Variants in ATP6V0D2 observed in about 807,000 individuals in gnomAD.
The protein encoded by ATP6V0D2 is V-type proton ATPase subunit d 2.
In ATP6V0D2, 40 loss-of-function variants were observed where a neutral mutation model predicts 40.0. That is an observed-to-expected ratio of 1.00 (90% confidence interval 0.78 to 1.30). The LOEUF (loss-of-function observed/expected upper bound fraction) is 1.30, where lower values mean the gene tolerates loss of function less well. ATP6V0D2 is among the 50% of genes most tolerant of loss of function. ATP6V0D2 has a pLI of 0.00. For synonymous variants in ATP6V0D2, 179 were observed against 156.3 expected (o/e 1.15, Z -1.08); for missense variants, 470 against 423.1 (o/e 1.11, Z -0.97).
chr8:86,148,256 C>G (rs1819098262), intron 5 of ATP6V0D2, among the ~76,000 whole-genome samples: 1 of 152,154 alleles, frequency 6.6e-6, no homozygotes, highest in South Asian at 2.1e-4. Context: ...CCTAGAAGGT[C>G]TAAAATTACT....
At chr8:86,125,786 A>G (rs1461951194) in intron 2 of ATP6V0D2, among the ~76,000 whole-genome samples, 1 of 151,980 alleles carries the variant, frequency 6.6e-6, no homozygotes, top group Non-Finnish European at 1.5e-5. Context: ...AGTTGGGCTT[A>G]TTGTTTGTTT....
intron 7 of ATP6V0D2, 114 bp downstream of exon 7, chr8:86,151,654 T>C (rs762219134): frequency 4.9e-5 from 37 of 750,216 alleles, no homozygotes; most frequent in Admixed American, 3.5e-4. Flanking sequence ...ATTAGGCACA[T>C]TCATAGCTTG....
chr8:86,132,476 C>G (rs988900263), intron 2 of ATP6V0D2, among the ~76,000 whole-genome samples: 1 of 152,146 alleles, frequency 6.6e-6, no homozygotes, highest in Non-Finnish European at 1.5e-5. Context: ...TCCTCTCCCC[C>G]TCCCTACCAC....
intron 3 of ATP6V0D2, among the ~76,000 whole-genome samples, chr8:86,139,928 A>T (rs765352539): frequency 6.6e-6 from 1 of 152,202 alleles, no homozygotes. Context: ...TCAACCTTCA[A>T]ACTTTTCACT....
chr8:86,135,410 G>A (rs544994069), intron 2 of ATP6V0D2, among the ~76,000 whole-genome samples: 10 of 152,266 alleles, frequency 6.6e-5, no homozygotes, highest in African/African-American at 2.2e-4. Context: ...CATCTGGCTT[G>A]AGCTCTTTTA....
At chr8:86,126,911 A>T (rs983351143) in intron 2 of ATP6V0D2, among the ~76,000 whole-genome samples, 1 of 152,192 alleles carries the variant, frequency 6.6e-6, no homozygotes, top group African/African-American at 2.4e-5. Flanking sequence ...GGTTTCTTAA[A>T]ATTCCAGAGC....
At chr8:86,137,049 A>G (rs1349214733) in intron 2 of ATP6V0D2, among the ~76,000 whole-genome samples, 2 of 73,024 alleles carry the variant, frequency 2.7e-5, no homozygotes, top group Non-Finnish European at 5.7e-5. Context: ...TGGCCCCTGT[A>G]TCTCCATATA....
At position 86,099,087 on chromosome 8, in the gene ATP6V0D2, G is replaced by C. The variant is rs1818358530; in HGVS notation, c.109G>C (p.Val37Leu). The change falls in exon 1 of 8, where the codon GTC (valine) becomes CTC (leucine). Residue 37 changes from valine to leucine, a missense_variant. Val to Leu is a conservative substitution (Grantham distance 32). Transcript: ENST00000285393. ...LLTQQDYINL[V>L]QCETLEDLKI... ...GACCCAGCAAGACTATATCAACCTG[G>C]TCCAGTGTGAGACCCTAGAAGGTAA... is the stretch of plus-strand genomic sequence containing the variant. The C allele has an allele frequency of 1.2e-6, 2 of 1,612,546 alleles. No individual in the cohort carries two copies. Among genetic ancestry groups the C allele is most frequent in the Non-Finnish European group, 1.7e-6 (2 of 1,179,662 alleles).
intron 5 of ATP6V0D2, 138 bp downstream of exon 5, chr8:86,143,092 A>G (rs1818999812): frequency 7.6e-6 from 4 of 525,242 alleles, no homozygotes; most frequent in Non-Finnish European, 3.3e-6. Flanking sequence ...TTTATTATAC[A>G]TATGATTTGA....
chr8:86,123,283 G>T (rs897034946), intron 2 of ATP6V0D2, among the ~76,000 whole-genome samples: 1 of 152,208 alleles, frequency 6.6e-6, no homozygotes, highest in Non-Finnish European at 1.5e-5. Flanking sequence ...CCAAGTCCTT[G>T]TAGCTGCTAA....
At position 86,141,650 on chromosome 8, in the gene ATP6V0D2, T is replaced by C. The variant is rs73688600; in HGVS notation, c.561+121T>C. 1,435 of 666,452 alleles carry C rather than the reference T, an allele frequency of 2.2e-3. 19 individuals are homozygous for C. The African/African-American group carries it at 0.024, about 11-fold the overall frequency. The allele number at this position is 666,452 out of a possible 1,614,324, so 41.3% of individuals were successfully genotyped here. On this transcript the variant is annotated intron_variant, in intron 4 of 7. Coordinates refer to ENST00000285393, the MANE Select transcript of ATP6V0D2 (RefSeq NM_152565.1). Reference sequence around the variant, plus strand: ...CTGCAATTATGAAACTGTGCATATTTGGAATATAGCTTTTATAGTTCTGGC... The same window carrying C: ...CTGCAATTATGAAACTGTGCATATTCGGAATATAGCTTTTATAGTTCTGGC...
rs188247505 is a variant in ATP6V0D2 at position 86,122,467 on chromosome 8, T to C, written c.302+8587T>C. ...GCTGTACATTAGGGTACTGAACACC[T>C]TAGTTTACCCAAAGTGTTTCCCAGG... On this transcript the variant is annotated intron_variant, in intron 2 of 7. Transcript: ENST00000285393. Among the ~76,000 whole-genome samples the C allele has an allele frequency of 2.5e-3, 384 of 152,324 alleles. 2 individuals are homozygous for C. Among genetic ancestry groups the C allele is most frequent in the Non-Finnish European group, 4.9e-3 (332 of 68,016 alleles).
chr8:86,134,199 A>T (rs1208233145), intron 2 of ATP6V0D2, among the ~76,000 whole-genome samples: 1 of 152,170 alleles, frequency 6.6e-6, no homozygotes, highest in Admixed American at 6.5e-5. Flanking sequence ...AAAAAAAAAT[A>T]GCATTTTGTA....
At chr8:86,135,165 C>T (rs2626329) in intron 2 of ATP6V0D2, among the ~76,000 whole-genome samples, 126,375 of 152,126 alleles carry the variant, frequency 0.83, 52,603 homozygotes, top group Middle Eastern at 0.88. Flanking sequence ...ACAGTCATTT[C>T]TCAGCTATTG....
chr8:86,113,849 G>T lies in ATP6V0D2; in HGVS notation c.271G>T (p.Glu91Ter). 6.2e-7 allele frequency: 1 copy of T among 1,613,744 alleles called. No homozygotes were observed. Among genetic ancestry groups the T allele is most frequent in the Non-Finnish European group, 8.5e-7 (1 of 1,179,848 alleles). ...TGAGTATTTCCGGAATCATTCCCTG[G>T]AGCCCCTCAGCACATTTCTCACCTA... ...EFEYFRNHSL[E>*]PLSTFLTYMT... The change falls in exon 2 of 8, where the codon GAG becomes TAG. Residue 91 changes from glutamate (E) to a stop codon, truncating the protein, a stop_gained. Transcript: ENST00000285393. LOFTEE classifies it high-confidence loss of function.
chr8:86,143,047 T>A, intron 5 of ATP6V0D2, 93 bp downstream of exon 5: 2 of 769,270 alleles, frequency 2.6e-6, no homozygotes, highest in Non-Finnish European at 2.0e-6. Flanking sequence ...ATCTTTGAAT[T>A]TTTTTTTAAT....
chr8:86,137,256 C>T (rs910594435), intron 2 of ATP6V0D2, among the ~76,000 whole-genome samples: 1 of 152,106 alleles, frequency 6.6e-6, no homozygotes, highest in Non-Finnish European at 1.5e-5. Context: ...CCTACAGATG[C>T]CTACTTCCAG....
At position 86,153,082 on chromosome 8, in the gene ATP6V0D2, C is replaced by A. The variant is rs1819179388; in HGVS notation, c.*105C>A. 2 of 958,458 alleles carry A rather than the reference C, an allele frequency of 2.1e-6. No individual in the cohort carries two copies. Among genetic ancestry groups the A allele is most frequent in the Admixed American group, 3.5e-5 (1 of 28,776 alleles). The allele number at this position is 958,458 out of a possible 1,614,324, so 59.4% of individuals were successfully genotyped here. ...ATTATCTAGACTACACAAAAGTAAG[C>A]CACACTATATCTTCATGAGTTGCAA... On this transcript the variant is annotated 3_prime_UTR_variant, in exon 8 of 8. Transcript: ENST00000285393.
intron 2 of ATP6V0D2, among the ~76,000 whole-genome samples, chr8:86,136,823 T>G (rs1818904085): frequency 6.6e-6 from 1 of 152,076 alleles, no homozygotes; most frequent in South Asian, 2.1e-4. Context: ...TTTCATCCAG[T>G]AAAAAGGTAT....
Sources: allele counts gnomAD v4.1 joint callset (sites outside exome capture counted in the v4.1 genomes callset), GRCh38; gene constraint gnomAD v4.1.1; transcripts MANE v1.5; gene names NCBI Gene and HGNC (gene_info 2026-07-23, HGNC 2026-07-21).